The following SGK1 variants were observed in gnomAD, a reference collection of about 807,000 sequenced individuals.
SGK1 encodes the protein serum/glucocorticoid regulated kinase 1.
SGK1 carries 26 observed loss-of-function variants against 64.2 expected under a neutral mutation model. That is an observed-to-expected ratio of 0.40 (90% CI 0.30 to 0.56). The LOEUF is 0.56. Among genes scored for constraint, SGK1 ranks in the 20% least tolerant of loss-of-function variants. The pLI is 0.38. For missense variants in SGK1, 519 were observed against 645.6 expected, an observed-to-expected ratio of 0.80 and a Z score of 2.12; for synonymous variants, 265 against 239.7, an observed-to-expected ratio of 1.11 and a Z score of -0.98.
At chr6:134,174,756 T>C in intron 3 of SGK1, 170 bp from the exon 4 acceptor site, 1 of 1,614,070 alleles carries the variant, frequency 6.2e-7, no homozygotes, top group Non-Finnish European at 8.5e-7. Context: ...ACCATGCCCC[T>C]CATCCTGGAG....
chr6:134,244,349 T>G (rs59700414), intron 2 of SGK1, among the ~76,000 whole-genome samples: 1 of 152,156 alleles, frequency 6.6e-6, no homozygotes, highest in Non-Finnish European at 1.5e-5. Flanking sequence ...ATGTGCCACA[T>G]TTTCTTTATC....
intron 1 of SGK1, among the ~76,000 whole-genome samples, chr6:134,317,052 TA>T (rs1187507207): frequency 6.6e-6 from 1 of 152,204 alleles, no homozygotes; most frequent in African/African-American, 2.4e-5. Context: ...AGCCCCTGAC[TA>T]AATTACTAGC....
At chr6:134,173,757 G>C in intron 5 of SGK1, 191 bp from the exon 6 acceptor site, 1 of 598,434 alleles carries the variant, frequency 1.7e-6, no homozygotes, top group Non-Finnish European at 2.9e-6. Context: ...TGTTGTTTCA[G>C]ACAGATAAAA....
intron 3 of SGK1, among the ~76,000 whole-genome samples, chr6:134,202,810 A>T (rs900974591): frequency 8.5e-5 from 13 of 152,202 alleles, no homozygotes; most frequent in Non-Finnish European, 1.3e-4. Context: ...CTTATTTTTT[A>T]AAAAATGCAC....
At chr6:134,253,496 A>T (rs1776636288) in intron 2 of SGK1, among the ~76,000 whole-genome samples, 1 of 151,970 alleles carries the variant, frequency 6.6e-6, no homozygotes, top group African/African-American at 2.4e-5. Flanking sequence ...AAAATTTAAA[A>T]AAGAAAAAAA....
chr6:134,300,391 T>C (rs1357062686), intron 1 of SGK1, among the ~76,000 whole-genome samples: 2 of 151,480 alleles, frequency 1.3e-5, no homozygotes, highest in Non-Finnish European at 2.9e-5. Flanking sequence ...TCAAAAAAAT[T>C]AGCCAGGCGT....
intron 2 of SGK1, among the ~76,000 whole-genome samples, chr6:134,238,424 A>G (rs1776395351): frequency 6.6e-6 from 1 of 152,208 alleles, no homozygotes; most frequent in Non-Finnish European, 1.5e-5. Context: ...ACTGCTGTAT[A>G]AAGAAAGGGG....
intron 1 of SGK1, among the ~76,000 whole-genome samples, chr6:134,316,678 A>G (rs758483263): frequency 7.3e-5 from 11 of 151,452 alleles, no homozygotes; most frequent in Non-Finnish European, 1.2e-4. Context: ...AGTTTAAGAA[A>G]TAAATGCATA....
intron 3 of SGK1, among the ~76,000 whole-genome samples, chr6:134,176,903 A>G (rs1195143917): frequency 6.6e-6 from 1 of 152,208 alleles, no homozygotes; most frequent in Non-Finnish European, 1.5e-5. Context: ...AAGTTTGCTC[A>G]GTGCCCACAC....
At chr6:134,183,909 T>C (rs1775376825) in intron 3 of SGK1, among the ~76,000 whole-genome samples, 1 of 131,052 alleles carries the variant, frequency 7.6e-6, no homozygotes, top group South Asian at 2.6e-4. Flanking sequence ...GTGTGCTTAG[T>C]TATTTAAATC....
At chr6:134,175,799 G>A (rs926721097) in intron 3 of SGK1, 2 of 1,295,826 alleles carry the variant, frequency 1.5e-6, no homozygotes, top group Non-Finnish European at 2.0e-6. Context: ...CCTTGTGCAC[G>A]GTCGGGTCGC....
intron 2 of SGK1, among the ~76,000 whole-genome samples, chr6:134,222,488 A>T (rs1186571262): frequency 2.6e-5 from 4 of 151,748 alleles, no homozygotes; most frequent in Non-Finnish European, 5.9e-5. Context: ...GGCGCCCACC[A>T]CCACGCCTGG....
chr6:134,207,069 C>T (rs1335804169), intron 3 of SGK1, among the ~76,000 whole-genome samples: 5 of 151,138 alleles, frequency 3.3e-5, no homozygotes, highest in East Asian at 3.9e-4. Flanking sequence ...ACTAAAAATA[C>T]AAAAAAATTA....
chr6:134,215,315 C>T (rs989533222), intron 2 of SGK1, among the ~76,000 whole-genome samples: 3 of 151,562 alleles, frequency 2.0e-5, no homozygotes, highest in African/African-American at 7.3e-5. Flanking sequence ...AGGGTTTCAC[C>T]ATGTTGGCCA....
At chr6:134,196,052 G>A (rs1287763734) in intron 3 of SGK1, among the ~76,000 whole-genome samples, 2 of 152,122 alleles carry the variant, frequency 1.3e-5, no homozygotes, top group Non-Finnish European at 2.9e-5. Flanking sequence ...TGTTAACACA[G>A]TTATAAATAC....
chr6:134,200,142 G>C (rs76822083), intron 3 of SGK1, among the ~76,000 whole-genome samples: 4,214 of 152,188 alleles, frequency 0.028, 194 homozygotes, highest in African/African-American at 0.095. Flanking sequence ...GGTTTCAAAG[G>C]CTAAAAACAA....
chr6:134,244,835 G>C (rs1372034492), intron 2 of SGK1, among the ~76,000 whole-genome samples: 1 of 152,188 alleles, frequency 6.6e-6, no homozygotes, highest in Admixed American at 6.5e-5. Context: ...GAGTGCAATG[G>C]CGCAATCTTG....
At chr6:134,226,358 T>G (rs962077026) in intron 2 of SGK1, among the ~76,000 whole-genome samples, 112 of 140,282 alleles carry the variant, frequency 8.0e-4, no homozygotes, top group African/African-American at 2.6e-3. Flanking sequence ...AAAAAGGTGT[T>G]TTTTTTTCTT....
intron 8 of SGK1, 116 bp downstream of exon 8, chr6:134,172,907 A>G (rs970699416): frequency 7.7e-7 from 1 of 1,305,500 alleles, no homozygotes; most frequent in African/African-American, 1.5e-5. Flanking sequence ...GTTGAAGGAA[A>G]TGCTAATTCT....
Sources: gnomAD v4.1 joint callset for allele counts (sites outside exome capture counted in the v4.1 genomes callset) on GRCh38, gnomAD v4.1.1 for gene constraint, MANE v1.5 for transcripts, NCBI Gene and HGNC (gene_info 2026-07-23, HGNC 2026-07-21) for gene names.